Variants in CIB1 observed in about 807,000 individuals in gnomAD.
The protein encoded by CIB1 is calcium and integrin binding 1, also known as calcium and integrin-binding protein 1.
A neutral mutation model predicts 25.0 loss-of-function variants in CIB1; 19 were observed. The observed-to-expected ratio is 0.76, with a 90% confidence interval of 0.53 to 1.12. The LOEUF (loss-of-function observed/expected upper bound fraction) is 1.12, where lower values mean the gene tolerates loss of function less well. Ranked by LOEUF, CIB1 falls within the 50% of genes most tolerant of loss-of-function variation. CIB1 has a pLI of 0.00. For synonymous variants in CIB1, 104 were observed against 98.5 expected (o/e 1.06, Z -0.33); for missense variants, 236 against 242.6 (o/e 0.97, Z 0.18).
chr15:90,240,971 G>A, the CIB1 span: 1 of 1,614,030 alleles, frequency 6.2e-7, no homozygotes, highest in Non-Finnish European at 8.5e-7. Flanking sequence ...ATGAGGACTG[G>A]GGCAGGCAAA....
chr15:90,246,234 T>C, the CIB1 span, among the ~76,000 whole-genome samples: 10 of 151,740 alleles, frequency 6.6e-5, no homozygotes, highest in African/African-American at 2.4e-4. Flanking sequence ...GATCGTGCCA[T>C]TGCACTCCAG....
chr15:90,254,277 G>C, the CIB1 span, among the ~76,000 whole-genome samples: 2 of 151,398 alleles, frequency 1.3e-5, no homozygotes, highest in African/African-American at 4.9e-5. Flanking sequence ...GGCGGATCAT[G>C]AGGTCAGGAG....
the CIB1 span, chr15:90,265,088 C>T: frequency 7.5e-7 from 1 of 1,332,922 alleles, no homozygotes; most frequent in African/African-American, 1.5e-5. Flanking sequence ...TGCCCAGGAA[C>T]CCCATTTGTA....
At chr15:90,233,737 C>G (rs377550980) in intron 1 of CIB1, 34 bp from the exon 2 acceptor site, 1 of 1,560,870 alleles carries the variant, frequency 6.4e-7, no homozygotes, top group Non-Finnish European at 8.7e-7. Context: ...GATTAGCGGA[C>G]CGCTGGGAGG....
At chr15:90,232,646 C>T (rs1001837679) in intron 2 of CIB1, among the ~76,000 whole-genome samples, 1 of 152,204 alleles carries the variant, frequency 6.6e-6, no homozygotes, top group African/African-American at 2.4e-5. Flanking sequence ...GTGGCTCACA[C>T]CTGTAATCCC....
the CIB1 span, chr15:90,258,741 A>T: frequency 6.2e-7 from 1 of 1,613,814 alleles, no homozygotes; most frequent in African/African-American, 1.3e-5. Flanking sequence ...TCCTCCTGGC[A>T]GGTAAACCAC....
chr15:90,234,246 G>A (rs1369812020), upstream of CIB1: 1 of 228,246 alleles, frequency 4.4e-6, no homozygotes, highest in Non-Finnish European at 8.5e-6. Flanking sequence ...CTGTGGCCCC[G>A]GCAGCGGCTG....
At chr15:90,258,214 A>C in the CIB1 span, 1 of 1,614,246 alleles carries the variant, frequency 6.2e-7, no homozygotes, top group Non-Finnish European at 8.5e-7. Flanking sequence ...GCCTGTTTTG[A>C]AATCCTTGGT....
At chr15:90,265,494 C>G in the CIB1 span, 1 of 1,402,406 alleles carries the variant, frequency 7.1e-7, no homozygotes. Context: ...CGTCCTGTAC[C>G]TCATTTCGGC....
At chr15:90,240,227 G>T in the CIB1 span, among the ~76,000 whole-genome samples, 1 of 148,138 alleles carries the variant, frequency 6.8e-6, no homozygotes, top group Non-Finnish European at 1.5e-5. Flanking sequence ...AAATAAATAG[G>T]CCAGGTGCAG....
intron 3 of CIB1, 138 bp downstream of exon 3, chr15:90,232,081 A>G (rs887426844): frequency 4.4e-6 from 3 of 674,370 alleles, no homozygotes; most frequent in Non-Finnish European, 5.0e-6. Flanking sequence ...TTGCCCCTAG[A>G]AAATCAGAAC....
the CIB1 span, chr15:90,265,573 C>T: frequency 7.2e-7 from 1 of 1,391,562 alleles, no homozygotes; most frequent in Non-Finnish European, 9.7e-7. Flanking sequence ...CAGCGTGAGC[C>T]CAGATCTTAC....
Position 90,230,925 on chromosome 15 carries a change from C to G in CIB1, c.554+9G>C. 1 of 1,612,062 alleles carries G rather than the reference C, an allele frequency of 6.2e-7. No individual in the cohort carries two copies. Among genetic ancestry groups the G allele is most frequent in the Non-Finnish European group, 8.5e-7 (1 of 1,178,226 alleles). The stretch of plus-strand genomic sequence containing the variant: ...AGGTACCCAGAATGAAGGGGGACCA[C>G]TGTCATACCTGGCAAAGTCTGGAGA... On this transcript the variant is annotated intron_variant, in intron 6 of 6. Transcript: ENST00000328649.
upstream of CIB1, among the ~76,000 whole-genome samples, chr15:90,236,757 C>T (rs1264654411): frequency 6.6e-6 from 1 of 151,708 alleles, no homozygotes; most frequent in Non-Finnish European, 1.5e-5. Flanking sequence ...AGGATGGTCT[C>T]GATCTCCTGA....
chr15:90,258,220 T>A, the CIB1 span: 161 of 1,614,272 alleles, frequency 1.0e-4, 1 homozygote, highest in Middle Eastern at 8.6e-3. Flanking sequence ...TTTGAAATCC[T>A]TGGTTTTGAC....
the CIB1 span, chr15:90,263,301 G>T: frequency 4.6e-6 from 3 of 654,468 alleles, no homozygotes; most frequent in Admixed American, 6.2e-5. Context: ...GAGAGGGTCT[G>T]TTGATTCCTT....
At chr15:90,264,866 G>T in the CIB1 span, 1 of 1,536,010 alleles carries the variant, frequency 6.5e-7, no homozygotes. Context: ...GCCCTCCATG[G>T]TAAACTCTGA....
chr15:90,253,000 A>AAAAC, the CIB1 span, among the ~76,000 whole-genome samples: 53 of 152,260 alleles, frequency 3.5e-4, no homozygotes, highest in African/African-American at 5.1e-4. Flanking sequence ...CCGTCTCTAA[A>AAAAC]AAACAAACAA....
At chr15:90,265,687 A>T in the CIB1 span, 1 of 1,612,528 alleles carries the variant, frequency 6.2e-7, no homozygotes, top group Non-Finnish European at 8.5e-7. Flanking sequence ...TTCGTAGCCG[A>T]CTGCTGAAGG....
Sources: gnomAD v4.1 joint callset for allele counts (sites outside exome capture counted in the v4.1 genomes callset) on GRCh38, gnomAD v4.1.1 for gene constraint, MANE v1.5 for transcripts, NCBI Gene and HGNC (gene_info 2026-07-23, HGNC 2026-07-21) for gene names.